Variants in GBF1 observed in about 807,000 individuals in gnomAD.
The protein encoded by GBF1 is Golgi-specific brefeldin A-resistance guanine nucleotide exchange factor 1.
GBF1 carries 114 observed loss-of-function variants against 210.5 expected under a neutral mutation model. That is an observed-to-expected ratio of 0.54 (90% CI 0.47 to 0.63). GBF1 has a LOEUF of 0.63. GBF1 is among the 30% of genes least tolerant of loss of function. The pLI is 0.00. For missense variants in GBF1, 1,851 were observed against 2,357.7 expected, an observed-to-expected ratio of 0.79 and a Z score of 4.45; for synonymous variants, 850 against 889.2, an observed-to-expected ratio of 0.96 and a Z score of 0.78.
At chr10:102,352,742 C>T (rs1281704729) in intron 7 of GBF1, among the ~76,000 whole-genome samples, 1 of 152,154 alleles carries the variant, frequency 6.6e-6, no homozygotes, top group Non-Finnish European at 1.5e-5. Context: ...TAATATAGGC[C>T]AGCAGACCTC....
intron 3 of GBF1, among the ~76,000 whole-genome samples, chr10:102,269,905 A>C (rs1345085400): frequency 6.6e-6 from 1 of 150,748 alleles, no homozygotes; most frequent in Non-Finnish European, 1.5e-5. Context: ...TTGAGACGGA[A>C]TCTTGCTCTG....
chr10:102,258,791 A>AAAAG (rs1189324559), intron 1 of GBF1, 138 bp from the exon 2 acceptor site: 23 of 476,598 alleles, frequency 4.8e-5, no homozygotes, highest in Admixed American at 1.3e-4. Flanking sequence ...AAAAAAAAAA[A>AAAAG]AAAGAAAGAA....
intron 1 of GBF1, among the ~76,000 whole-genome samples, chr10:102,251,573 A>G (rs11594344): frequency 0.016 from 2,480 of 152,220 alleles, 26 homozygotes; most frequent in Non-Finnish European, 0.024. Flanking sequence ...TATTTATTTG[A>G]GGCAGAGTCT....
At chr10:102,359,480 C>T (rs1398326277) in intron 11 of GBF1, 45 bp downstream of exon 11, 2 of 1,433,506 alleles carry the variant, frequency 1.4e-6, no homozygotes, top group Non-Finnish European at 2.0e-6. Flanking sequence ...CCCCATCCTA[C>T]CTACTAAGCT....
the GBF1 span, chr10:102,231,792 TG>T: frequency 6.3e-7 from 1 of 1,598,540 alleles, no homozygotes. Flanking sequence ...TTTCTGAGTC[TG>T]GGGGCCAGGG....
rs542095627 is a variant in GBF1 at position 102,302,368 on chromosome 10, A to G, written c.164-41683A>G. 2.0e-5 allele frequency among the ~76,000 whole-genome samples: 3 copies of G among 152,354 alleles called. No homozygotes were observed. The South Asian group carries it at 6.2e-4, about 32-fold the overall frequency. On this transcript the variant is annotated intron_variant, in intron 3 of 39. Coordinates refer to ENST00000369983, the MANE Select transcript of GBF1 (RefSeq NM_001377137.1). Reference sequence around the variant, plus strand: ...AAACACATTGAATTGTATACTTTAAAGGAGTGAACTATATCTCAATATATA... The same window carrying G: ...AAACACATTGAATTGTATACTTTAAGGGAGTGAACTATATCTCAATATATA...
chr10:102,265,907 C>T (rs951845334), intron 3 of GBF1, among the ~76,000 whole-genome samples: 5 of 152,008 alleles, frequency 3.3e-5, no homozygotes, highest in Non-Finnish European at 5.9e-5. Flanking sequence ...ACCTAATGTC[C>T]AGTTTTGGTT....
intron 3 of GBF1, among the ~76,000 whole-genome samples, chr10:102,291,070 G>A (rs1206190085): frequency 2.0e-5 from 3 of 152,034 alleles, no homozygotes; most frequent in Admixed American, 1.3e-4. Flanking sequence ...GGAACCTTTC[G>A]GATTTGTATT....
intron 3 of GBF1, among the ~76,000 whole-genome samples, chr10:102,301,625 C>T (rs1322212538): frequency 2.0e-4 from 30 of 149,272 alleles, no homozygotes; most frequent in East Asian, 4.0e-4. Context: ...ACCTCCCAGA[C>T]GGGGTCGCGG....
chr10:102,373,739 CAT>C (rs1019458509), intron 29 of GBF1, among the ~76,000 whole-genome samples: 8 of 152,176 alleles, frequency 5.3e-5, no homozygotes, highest in South Asian at 4.1e-4. Flanking sequence ...TAAAATGAAA[CAT>C]ATAATTACCA....
At chr10:102,337,595 T>C (rs977395079) in intron 3 of GBF1, among the ~76,000 whole-genome samples, 1 of 152,156 alleles carries the variant, frequency 6.6e-6, no homozygotes, top group Admixed American at 6.6e-5. Context: ...CTCACGCCTG[T>C]AATCACAGCA....
At chr10:102,352,220 A>T (rs547836989) in intron 6 of GBF1, among the ~76,000 whole-genome samples, 2 of 152,264 alleles carry the variant, frequency 1.3e-5, no homozygotes, top group African/African-American at 4.8e-5. Context: ...GGTTTCTGGG[A>T]TTGACACCAA....
At chr10:102,292,995 G>A (rs538319807) in intron 3 of GBF1, among the ~76,000 whole-genome samples, 6 of 152,106 alleles carry the variant, frequency 3.9e-5, no homozygotes, top group African/African-American at 9.6e-5. Context: ...CAAAATCTTC[G>A]TATTTCTTTA....
In GBF1 at chr10:102,377,101, T is replaced by C. The variant is rs769675757; in HGVS notation, c.4455T>C (p.Pro1485=). 8.7e-6 allele frequency: 14 copies of C among 1,614,128 alleles called. 1 individual carries two copies. The South Asian group carries it at 1.5e-4, about 18-fold the overall frequency. The change falls in exon 33 of 40, where the codon CCT becomes CCC. Residue 1485 remains proline (P), a synonymous_variant. Coordinates refer to ENST00000369983, the MANE Select transcript of GBF1 (RefSeq NM_001377137.1). ...ATGATGATGAGGACGAAGGCGTGCCTGCCAGCTACCATACGGTGTCTTTAC... is the reference window on the plus strand; with the variant it reads ...ATGATGATGAGGACGAAGGCGTGCCCGCCAGCTACCATACGGTGTCTTTAC... ...QSDDDEDEGV[P]ASYHTVSLQV...
chr10:102,357,084 C>T (rs1013117386), intron 8 of GBF1, among the ~76,000 whole-genome samples: 2 of 152,138 alleles, frequency 1.3e-5, no homozygotes, highest in Non-Finnish European at 1.5e-5. Flanking sequence ...ACAGCAGCAG[C>T]GTGACATGAC....
intron 3 of GBF1, among the ~76,000 whole-genome samples, chr10:102,324,159 C>T (rs950770482): frequency 2.6e-5 from 4 of 152,166 alleles, no homozygotes; most frequent in Non-Finnish European, 5.9e-5. Flanking sequence ...TATAGTCTTC[C>T]TCCCTTCCTC....
At chr10:102,342,755 T>TAAAG (rs1565133332) in intron 3 of GBF1, among the ~76,000 whole-genome samples, 8 of 152,000 alleles carry the variant, frequency 5.3e-5, no homozygotes, top group African/African-American at 1.9e-4. Flanking sequence ...TTGGTCTCTT[T>TAAAG]AGGAAGCCTT....
At chr10:102,288,439 C>G (rs1403634789) in intron 3 of GBF1, among the ~76,000 whole-genome samples, 1 of 152,254 alleles carries the variant, frequency 6.6e-6, no homozygotes, top group Non-Finnish European at 1.5e-5. Context: ...CGGCCGGGCG[C>G]GGTGGCTCAC....
At chr10:102,341,911 A>AT (rs1254601246) in intron 3 of GBF1, among the ~76,000 whole-genome samples, 1 of 152,014 alleles carries the variant, frequency 6.6e-6, no homozygotes, top group South Asian at 2.1e-4. Flanking sequence ...ATTCTCAAAG[A>AT]TTTTTTTCCT....
Sources: allele counts gnomAD v4.1 joint callset (sites outside exome capture counted in the v4.1 genomes callset), GRCh38; gene constraint gnomAD v4.1.1; transcripts MANE v1.5; gene names NCBI Gene and HGNC (gene_info 2026-07-23, HGNC 2026-07-21).